The following CDH8 variants were observed in gnomAD, a reference collection of about 807,000 sequenced individuals.
CDH8 encodes cadherin-8.
CDH8 carries 17 observed loss-of-function variants against 68.1 expected under a neutral mutation model. That is an observed-to-expected ratio of 0.25 (90% CI 0.17 to 0.37). The LOEUF (loss-of-function observed/expected upper bound fraction) is 0.37, where lower values mean the gene tolerates loss of function less well. Among genes scored for constraint, CDH8 ranks in the 10% least tolerant of loss-of-function variants. The pLI is 1.00. For missense variants in CDH8, 763 were observed against 999.3 expected, an observed-to-expected ratio of 0.76 and a Z score of 3.19; for synonymous variants, 372 against 365.1, an observed-to-expected ratio of 1.02 and a Z score of -0.21.
chr16:61,734,414 C>A (rs569859803), intron 8 of CDH8, among the ~76,000 whole-genome samples: 34 of 152,204 alleles, frequency 2.2e-4, no homozygotes, highest in Admixed American at 2.1e-3. Flanking sequence ...AGTGATAGAT[C>A]TGCTTTTGCC....
Position 61,653,019 on chromosome 16 carries a change from G to A in CDH8, c.*589C>T. ...AAGGCTCGACACAATATTTAAAGAT[G>A]CTATTCAGTCTCTAGTGAGTGGGGC... On this transcript the variant is annotated 3_prime_UTR_variant, in exon 12 of 12. Transcript: ENST00000577390. 1.4e-6 allele frequency: 2 copies of A among 1,438,968 alleles called. No individual in the cohort carries two copies. The allele number at this position is 1,438,968 out of a possible 1,614,324, so 89.1% of individuals were successfully genotyped here. A position where few individuals can be genotyped will look rare whatever the true frequency, so the allele number is the denominator to read the frequency against.
chr16:61,977,423 T>A (rs757561557), intron 2 of CDH8, among the ~76,000 whole-genome samples: 1 of 152,094 alleles, frequency 6.6e-6, no homozygotes, highest in African/African-American at 2.4e-5. Context: ...CCCAACAAAA[T>A]TGAAAGAGAA....
At chr16:61,709,102 T>C (rs954292240) in intron 10 of CDH8, among the ~76,000 whole-genome samples, 1 of 152,044 alleles carries the variant, frequency 6.6e-6, no homozygotes, top group Admixed American at 6.6e-5. Flanking sequence ...CTGCTGAAGC[T>C]AAGGGTATGG....
intron 10 of CDH8, among the ~76,000 whole-genome samples, chr16:61,675,887 A>G (rs1274918719): frequency 6.6e-6 from 1 of 151,256 alleles, no homozygotes; most frequent in African/African-American, 2.4e-5. Context: ...TAATGACAAT[A>G]TTAATAATAA....
chr16:61,658,790 A>G (rs531605224), intron 10 of CDH8, among the ~76,000 whole-genome samples: 5 of 152,290 alleles, frequency 3.3e-5, no homozygotes, highest in Non-Finnish European at 5.9e-5. Flanking sequence ...AACTTGGTAG[A>G]AGTTATATTG....
At chr16:61,769,467 C>G (rs1960723380) in intron 8 of CDH8, among the ~76,000 whole-genome samples, 1 of 151,736 alleles carries the variant, frequency 6.6e-6, no homozygotes, top group Non-Finnish European at 1.5e-5. Context: ...AGTTTACAAT[C>G]CCATACCTTT....
At chr16:61,817,763 T>G (rs952546008) in intron 6 of CDH8, 31 bp from the exon 7 acceptor site, 1 of 1,532,056 alleles carries the variant, frequency 6.5e-7, no homozygotes, top group African/African-American at 1.4e-5. Flanking sequence ...TAAATGCTTC[T>G]CACTAATGAC....
chr16:61,917,802 T>C (rs1473955000), intron 2 of CDH8, among the ~76,000 whole-genome samples: 5 of 152,014 alleles, frequency 3.3e-5, no homozygotes, highest in African/African-American at 9.7e-5. Flanking sequence ...GTAAAGTTGG[T>C]GACAAGATCT....
At chr16:61,903,616 T>A (rs922202788) in intron 2 of CDH8, among the ~76,000 whole-genome samples, 3 of 152,208 alleles carry the variant, frequency 2.0e-5, no homozygotes, top group Admixed American at 2.0e-4. Flanking sequence ...CGGCGAAGCA[T>A]AGGTTTTTGA....
intron 3 of CDH8, among the ~76,000 whole-genome samples, chr16:61,895,203 A>G (rs189332323): frequency 5.1e-4 from 77 of 152,248 alleles, no homozygotes; most frequent in Non-Finnish European, 7.2e-4. Flanking sequence ...CACCTCGGAA[A>G]AACATTAACT....
intron 2 of CDH8, among the ~76,000 whole-genome samples, chr16:61,980,858 C>T (rs747604299): frequency 6.6e-6 from 1 of 152,070 alleles, no homozygotes; most frequent in Non-Finnish European, 1.5e-5. Flanking sequence ...GATATACTCT[C>T]CATTCAAATA....
chr16:61,884,535 G>A (rs1260092643), intron 3 of CDH8, among the ~76,000 whole-genome samples: 1 of 151,716 alleles, frequency 6.6e-6, no homozygotes, highest in South Asian at 2.1e-4. Context: ...CACCACACCC[G>A]GCTAATTTTT....
intron 3 of CDH8, among the ~76,000 whole-genome samples, chr16:61,898,065 G>T (rs1439976627): frequency 6.6e-6 from 1 of 152,142 alleles, no homozygotes; most frequent in Non-Finnish European, 1.5e-5. Flanking sequence ...ACTTTGGAAG[G>T]CTGAAGGGGG....
At chr16:61,935,608 TTCTAAG>T (rs1450943821) in intron 2 of CDH8, among the ~76,000 whole-genome samples, 4 of 152,148 alleles carry the variant, frequency 2.6e-5, no homozygotes, top group Non-Finnish European at 4.4e-5. Context: ...AAAATTTTGT[TTCTAAG>T]TCTATTTCCT....
At chr16:61,694,585 G>C (rs1004525058) in intron 10 of CDH8, among the ~76,000 whole-genome samples, 7 of 152,072 alleles carry the variant, frequency 4.6e-5, no homozygotes, top group African/African-American at 1.7e-4. Context: ...TGGTCATATG[G>C]GGTGATGAGG....
chr16:61,917,968 CTTTTT>C (rs71390381), intron 2 of CDH8, among the ~76,000 whole-genome samples: 1,747 of 131,808 alleles, frequency 0.013, 41 homozygotes, highest in African/African-American at 0.042. Flanking sequence ...AAGTTATTTG[CTTTTT>C]TTTTTTTTTT....
intron 10 of CDH8, chr16:61,711,520 C>T (rs914710014): frequency 2.0e-5 from 3 of 151,690 alleles, no homozygotes; most frequent in African/African-American, 4.8e-5. Context: ...ATATATCCAA[C>T]ATTTTTTACA....
At chr16:61,949,542 C>T (rs1964855888) in intron 2 of CDH8, among the ~76,000 whole-genome samples, 1 of 151,908 alleles carries the variant, frequency 6.6e-6, no homozygotes, top group Non-Finnish European at 1.5e-5. Flanking sequence ...GGGTCCACAC[C>T]ACCTTTAAAA....
At chr16:62,003,996 T>C (rs74021717) in intron 2 of CDH8, among the ~76,000 whole-genome samples, 5,640 of 152,260 alleles carry the variant, frequency 0.037, 226 homozygotes, top group African/African-American at 0.099. Flanking sequence ...AAACAGAATG[T>C]TGGATTCCAA....
Sources: gnomAD v4.1 joint callset for allele counts (sites outside exome capture counted in the v4.1 genomes callset) on GRCh38, gnomAD v4.1.1 for gene constraint, MANE v1.5 for transcripts, NCBI Gene and HGNC (gene_info 2026-07-23, HGNC 2026-07-21) for gene names.